LRP2BP: variants seen among roughly 807,000 people sequenced by gnomAD.
The protein encoded by LRP2BP is LRP2 binding protein.
LRP2BP carries 38 observed loss-of-function variants against 45.2 expected under a neutral mutation model. That is an observed-to-expected ratio of 0.84 (90% CI 0.65 to 1.10). The LOEUF (loss-of-function observed/expected upper bound fraction) is 1.10, where lower values mean the gene tolerates loss of function less well. Ranked by LOEUF, LRP2BP falls within the 50% of genes least tolerant of loss-of-function variation. The probability of loss-of-function intolerance (pLI) is 0.00; values close to 1 mark genes in which losing one functional copy is unlikely to be tolerated. For synonymous variants in LRP2BP, 153 were observed against 153.9 expected (o/e 0.99, Z 0.04); for missense variants, 385 against 418.9 (o/e 0.92, Z 0.71).
chr4:185,390,345 T>A (rs1304755385), intron 1 of LRP2BP, among the ~76,000 whole-genome samples: 1 of 151,926 alleles, frequency 6.6e-6, no homozygotes, highest in Non-Finnish European at 1.5e-5. Flanking sequence ...ATCCTGTTTA[T>A]ACTAAAAATA....
chr4:185,391,634 TG>T (rs2095488661), intron 1 of LRP2BP, among the ~76,000 whole-genome samples: 1 of 152,174 alleles, frequency 6.6e-6, no homozygotes, highest in South Asian at 2.1e-4. Context: ...GGTTAGCTCC[TG>T]GGTCCCTTTC....
chr4:185,369,523 C>T (rs2095407627), intron 8 of LRP2BP, among the ~76,000 whole-genome samples: 1 of 152,166 alleles, frequency 6.6e-6, no homozygotes, highest in Non-Finnish European at 1.5e-5. Flanking sequence ...GGATTACAGG[C>T]ATGAACCACT....
intron 1 of LRP2BP, among the ~76,000 whole-genome samples, chr4:185,381,053 G>C (rs1257866179): frequency 6.6e-6 from 1 of 152,172 alleles, no homozygotes; most frequent in Non-Finnish European, 1.5e-5. Context: ...GATCAAGAAA[G>C]AGATCCTTAC....
rs1189585726 is a variant in LRP2BP at position 185,365,715 on chromosome 4, A to C, written c.*1465T>G. 2.7e-5 allele frequency: 4 copies of C among 150,660 alleles called. No homozygotes were observed. Among genetic ancestry groups the C allele is most frequent in the Non-Finnish European group, 5.9e-5 (4 of 67,724 alleles). 9.3% of individuals were successfully genotyped at this position (150,660 alleles called of 1,614,324 possible). Reference sequence around the variant, plus strand: ...AAATAATAATAATAATAATAATAATAATCTTTAGGAACTGGATTAAGTGTG... The same window carrying C: ...AAATAATAATAATAATAATAATAATCATCTTTAGGAACTGGATTAAGTGTG... On this transcript the variant is annotated 3_prime_UTR_variant, in exon 9 of 9. Transcript: ENST00000505916.
At position 185,367,005 on chromosome 4, in the gene LRP2BP, T is replaced by C; in HGVS notation, c.*175A>G. ...CCAGCAATTTGACCTTGTGTCTAGG[T>C]TTCAAGTTGCAAAACTTAACAGCGT... On this transcript the variant is annotated 3_prime_UTR_variant, in exon 9 of 9. Coordinates refer to ENST00000505916, the MANE Select transcript of LRP2BP (RefSeq NM_001377440.1). 1.7e-6 allele frequency: 1 copy of C among 582,432 alleles called. No individual in the cohort carries two copies. The highest frequency in any genetic ancestry group is 3.0e-6 in the Non-Finnish European group (1 of 332,532). The allele number at this position is 582,432 out of a possible 1,614,324, so 36.1% of individuals were successfully genotyped here. A position where few individuals can be genotyped will look rare whatever the true frequency, so the allele number is the denominator to read the frequency against.
At chr4:185,396,123 G>A (rs1192566579), upstream of LRP2BP, 1 of 154,774 alleles carries the variant, frequency 6.5e-6, no homozygotes, top group Non-Finnish European at 1.4e-5. Flanking sequence ...AGCGTGCTGC[G>A]GCCTCTCCCC....
chr4:185,392,348 T>TAA (rs2095490338), intron 1 of LRP2BP, among the ~76,000 whole-genome samples: 1 of 152,220 alleles, frequency 6.6e-6, no homozygotes. Flanking sequence ...AGAGGATAAC[T>TAA]ATACTTTGCC....
At chr4:185,372,764 C>T (rs2095420190) in intron 7 of LRP2BP, 92 bp downstream of exon 7, 1 of 1,130,508 alleles carries the variant, frequency 8.8e-7, no homozygotes, top group Non-Finnish European at 1.3e-6. Flanking sequence ...CTCCTGGCCT[C>T]TGGAACTGTG....
At position 185,395,570 on chromosome 4, in the gene LRP2BP, A is replaced by C. The variant is rs746981830; in HGVS notation, c.-813T>G. On this transcript the variant is annotated 5_prime_UTR_variant, in exon 1 of 9. Transcript: ENST00000505916. Reference sequence around the variant, plus strand: ...ATTGTGAATAGTTTAAATATTAAAAATGTGGAATATAAGAACGATTCTATA... The same window carrying C: ...ATTGTGAATAGTTTAAATATTAAAACTGTGGAATATAAGAACGATTCTATA... 3.1e-6 allele frequency: 3 copies of C among 980,886 alleles called. No individual in the cohort carries two copies. The highest frequency in any genetic ancestry group is 3.6e-6 in the Non-Finnish European group (3 of 825,872). 60.8% of individuals were successfully genotyped at this position (980,886 alleles called of 1,614,324 possible). A position where few individuals can be genotyped will look rare whatever the true frequency, so the allele number is the denominator to read the frequency against.
chr4:185,396,693 T>A (rs1021270592), upstream of LRP2BP: 5 of 557,486 alleles, frequency 9.0e-6, no homozygotes, highest in African/African-American at 7.8e-5. Flanking sequence ...TGCCAGTGTT[T>A]GTGTACGTGC....
intron 1 of LRP2BP, among the ~76,000 whole-genome samples, chr4:185,385,031 G>C (rs2095466828): frequency 6.6e-6 from 1 of 152,116 alleles, no homozygotes; most frequent in African/African-American, 2.4e-5. Flanking sequence ...AAAGTGTGGG[G>C]AAAGACAGGA....
chr4:185,397,108 G>A (rs771059627), upstream of LRP2BP: 1 of 1,611,576 alleles, frequency 6.2e-7, no homozygotes, highest in Non-Finnish European at 8.5e-7. Flanking sequence ...CGCGGGACTG[G>A]ACAAAGGTGG....
At chr4:185,371,017 T>C in intron 7 of LRP2BP, 1 of 517,810 alleles carries the variant, frequency 1.9e-6, no homozygotes, top group Middle Eastern at 5.2e-4. Flanking sequence ...TGACTTCACA[T>C]GTCTCTGTAA....
intron 8 of LRP2BP, among the ~76,000 whole-genome samples, chr4:185,368,801 T>G (rs928977194): frequency 6.6e-6 from 1 of 151,402 alleles, no homozygotes. Context: ...TTTTGTTTTT[T>G]TTTTTTTTTT....
intron 6 of LRP2BP, among the ~76,000 whole-genome samples, chr4:185,373,622 AGTT>A (rs2095423521): frequency 6.6e-6 from 1 of 152,212 alleles, no homozygotes. Flanking sequence ...AGATGGCCTT[AGTT>A]GTTATGTGTC....
intron 1 of LRP2BP, among the ~76,000 whole-genome samples, chr4:185,379,297 G>A (rs78919784): frequency 0.019 from 2,891 of 152,280 alleles, 48 homozygotes; most frequent in South Asian, 0.061. Flanking sequence ...ATTAGGTAAG[G>A]TATTAAGAAG....
intron 1 of LRP2BP, among the ~76,000 whole-genome samples, chr4:185,390,066 T>TC (rs1261382545): frequency 6.6e-6 from 1 of 152,188 alleles, no homozygotes; most frequent in Admixed American, 6.5e-5. Flanking sequence ...CCATAAACAA[T>TC]CCAAGTACAG....
chr4:185,368,127 G>A (rs1025794942), intron 8 of LRP2BP, among the ~76,000 whole-genome samples: 3 of 152,132 alleles, frequency 2.0e-5, no homozygotes, highest in African/African-American at 4.8e-5. Context: ...GCAGAGAGCC[G>A]AGATTGCGCC....
chr4:185,365,693 T>TA lies in LRP2BP; in HGVS notation c.*1486dup, dbSNP rs2095385450. On this transcript the variant is annotated 3_prime_UTR_variant, in exon 9 of 9. Coordinates refer to ENST00000505916, the MANE Select transcript of LRP2BP (RefSeq NM_001377440.1). ...AGACTCCGTCTCAAAAAAAAAAAAA[T>TA]AATAATAATAATAATAATAATAATC... The TA allele has an allele frequency of 1.6e-5, 2 of 128,212 alleles. No individual in the cohort carries two copies. The highest frequency in any genetic ancestry group is 2.4e-4 in the South Asian group (1 of 4,236). 7.9% of individuals were successfully genotyped at this position (128,212 alleles called of 1,614,324 possible).
Sources: gnomAD v4.1 joint callset for allele counts (sites outside exome capture counted in the v4.1 genomes callset) on GRCh38, gnomAD v4.1.1 for gene constraint, MANE v1.5 for transcripts, NCBI Gene and HGNC (gene_info 2026-07-23, HGNC 2026-07-21) for gene names.